The following EFHC2 variants were observed in gnomAD, a reference collection of about 807,000 sequenced individuals.
EFHC2 encodes the protein EF-hand domain-containing family member C2.
In EFHC2, 18 loss-of-function variants were observed where a neutral mutation model predicts 52.7. The ratio of observed to expected loss-of-function variants is 0.34; its 90% CI spans 0.24 to 0.51. The LOEUF (loss-of-function observed/expected upper bound fraction) is 0.51, where lower values mean the gene tolerates loss of function less well. Ranked by LOEUF, EFHC2 falls within the 20% of genes least tolerant of loss-of-function variation. The pLI, the probability that EFHC2 is intolerant of heterozygous loss-of-function variation, is 0.97. For synonymous variants in EFHC2, 203 were observed against 204.1 expected (o/e 0.99, Z 0.04); for missense variants, 513 against 562.5 (o/e 0.91, Z 0.89).
At chrX:44,288,700 C>T (rs971715070) in intron 2 of EFHC2, among the ~76,000 whole-genome samples, 29 of 112,075 alleles carry the variant, frequency 2.6e-4, no homozygotes, top group African/African-American at 7.8e-4. Flanking sequence ...TCAACTCAGA[C>T]GGCATGTGCT....
intron 3 of EFHC2, among the ~76,000 whole-genome samples, chrX:44,263,747 A>C (rs2037557794): frequency 3.6e-5 from 4 of 112,297 alleles, no homozygotes; most frequent in Non-Finnish European, 5.6e-5. Flanking sequence ...CTACTTTAAA[A>C]ATACTTATAT....
chrX:44,274,798 G>A (rs1275700541), intron 2 of EFHC2, among the ~76,000 whole-genome samples: 1 of 110,508 alleles, frequency 9.0e-6, no homozygotes, highest in Non-Finnish European at 1.9e-5. Context: ...AGGCTGAGGT[G>A]GGAGGATTGC....
At chrX:44,156,403 T>C (rs1298626554) in intron 14 of EFHC2, among the ~76,000 whole-genome samples, 4 of 112,698 alleles carry the variant, frequency 3.5e-5, no homozygotes, top group African/African-American at 1.3e-4. Context: ...ATTAGGAATA[T>C]CTCCGAGCCT....
chrX:44,195,693 T>C (rs932915269), intron 11 of EFHC2, among the ~76,000 whole-genome samples: 7 of 110,949 alleles, frequency 6.3e-5, no homozygotes, highest in Non-Finnish European at 1.3e-4. Context: ...GATGGAATGA[T>C]ATTATTTTCT....
chrX:44,301,498 G>A (rs1234170372), intron 2 of EFHC2, among the ~76,000 whole-genome samples: 3 of 112,047 alleles, frequency 2.7e-5, no homozygotes, highest in Non-Finnish European at 5.6e-5. Context: ...CAGGCATGGT[G>A]AACCAGTTGG....
intron 2 of EFHC2, among the ~76,000 whole-genome samples, chrX:44,279,647 G>A (rs2037686892): frequency 1.8e-5 from 2 of 110,656 alleles, no homozygotes; most frequent in Admixed American, 9.7e-5. Flanking sequence ...AATTAAATAA[G>A]TGATATTCTG....
chrX:44,265,754 A>T (rs1231323514), intron 3 of EFHC2, among the ~76,000 whole-genome samples: 1 of 111,796 alleles, frequency 8.9e-6, no homozygotes, highest in Non-Finnish European at 1.9e-5. Flanking sequence ...CACACATAAC[A>T]GAGTGTCTTT....
intron 11 of EFHC2, among the ~76,000 whole-genome samples, chrX:44,204,769 G>C (rs2037034266): frequency 9.0e-6 from 1 of 111,716 alleles, no homozygotes; most frequent in Non-Finnish European, 1.9e-5. Context: ...TGGCATTCGA[G>C]AGAGAGAAGG....
intron 2 of EFHC2, among the ~76,000 whole-genome samples, chrX:44,304,700 T>G (rs1438232909): frequency 9.0e-6 from 1 of 111,109 alleles, no homozygotes; most frequent in Non-Finnish European, 1.9e-5. Context: ...AATAACGAAG[T>G]CTTTGAAGGG....
At chrX:44,152,724 T>G (rs758013955) in intron 14 of EFHC2, among the ~76,000 whole-genome samples, 740 of 60,742 alleles carry the variant, frequency 0.012, 6 homozygotes, top group Non-Finnish European at 0.015. Context: ...TAGTAAACCA[T>G]TACACACACA....
At chrX:44,236,019 C>CTTT (rs34288622) in intron 8 of EFHC2, among the ~76,000 whole-genome samples, 1 of 104,053 alleles carries the variant, frequency 9.6e-6, no homozygotes, top group African/African-American at 3.5e-5. Context: ...ATAGACCCAC[C>CTTT]TTTTTTTTTT....
At chrX:44,210,972 A>C (rs1477593046) in intron 11 of EFHC2, among the ~76,000 whole-genome samples, 2 of 112,356 alleles carry the variant, frequency 1.8e-5, no homozygotes, top group Non-Finnish European at 3.8e-5. Flanking sequence ...CTCAAAATTC[A>C]GTAATAAGAG....
At chrX:44,248,470 CCT>C in intron 6 of EFHC2, 60 bp from the exon 7 acceptor site, 1 of 1,093,830 alleles carries the variant, frequency 9.1e-7, no homozygotes, top group Non-Finnish European at 1.2e-6. Flanking sequence ...ACCAGGAACC[CCT>C]TCCCAGAGAA....
rs2037934506 is a variant in EFHC2, at chrX:44,309,993, T to A, written c.231+2575A>T. The A allele has an allele frequency of 4.0e-6, 4 of 992,167 alleles. No individual in the cohort carries two copies. The East Asian group carries it at 1.2e-4, about 30-fold the overall frequency. 81.8% of individuals were successfully genotyped at this position (992,167 alleles called of 1,213,427 possible). ...GTTTTCCATGGCAATTTGGAAGCCA[T>A]AGAAACAGCGGGCTTCTGTAATCTG... On this transcript the variant is annotated intron_variant, in intron 2 of 14. Transcript: ENST00000420999.
At chrX:44,206,583 C>A (rs2037050626) in intron 11 of EFHC2, among the ~76,000 whole-genome samples, 1 of 111,289 alleles carries the variant, frequency 9.0e-6, no homozygotes, top group African/African-American at 3.3e-5. Context: ...AGCTGAGAAC[C>A]AATGAAGAAT....
At chrX:44,185,055 C>T (rs923343781) in intron 11 of EFHC2, among the ~76,000 whole-genome samples, 1 of 111,931 alleles carries the variant, frequency 8.9e-6, no homozygotes, top group Non-Finnish European at 1.9e-5. Context: ...AGCATAGTAC[C>T]TTGAACTATG....
At chrX:44,282,857 C>T (rs2037717527) in intron 2 of EFHC2, among the ~76,000 whole-genome samples, 1 of 109,980 alleles carries the variant, frequency 9.1e-6, no homozygotes, top group Non-Finnish European at 1.9e-5. Context: ...CGGGTAGACA[C>T]GTGGCTGGGC....
intron 1 of EFHC2, among the ~76,000 whole-genome samples, chrX:44,333,001 G>T (rs974657239): frequency 9.0e-6 from 1 of 111,698 alleles, no homozygotes; most frequent in African/African-American, 3.3e-5. Context: ...TTCCAGAGAA[G>T]ATTCCCCCAA....
At chrX:44,276,377 T>C (rs192611414) in intron 2 of EFHC2, among the ~76,000 whole-genome samples, 1 of 111,713 alleles carries the variant, frequency 9.0e-6, no homozygotes, top group African/African-American at 3.3e-5. Flanking sequence ...TGCACTGGGC[T>C]ATGATCATGC....
Sources: allele counts gnomAD v4.1 joint callset (sites outside exome capture counted in the v4.1 genomes callset), GRCh38; gene constraint gnomAD v4.1.1; transcripts MANE v1.5; gene names NCBI Gene and HGNC (gene_info 2026-07-23, HGNC 2026-07-21).